RAD51B: variants seen among roughly 807,000 people sequenced by gnomAD.
RAD51B encodes the protein RAD51 paralog B.
In RAD51B, 38 loss-of-function variants were observed where a neutral mutation model predicts 42.2. The ratio of observed to expected loss-of-function variants is 0.90; its 90% CI spans 0.70 to 1.18. The LOEUF is 1.18. RAD51B is among the 50% of genes most tolerant of loss of function. The pLI is 0.00. For missense variants in RAD51B, 373 were observed against 400.7 expected (o/e 0.93, Z 0.59); for synonymous variants, 154 against 145.2 (o/e 1.06, Z -0.43).
At chr14:68,183,908 A>G (rs2140889070) in intron 7 of RAD51B, among the ~76,000 whole-genome samples, 1 of 152,144 alleles carries the variant, frequency 6.6e-6, no homozygotes, top group South Asian at 2.1e-4. Context: ...CCTGGCTAAC[A>G]TGGTGAAACC....
chr14:68,300,043 G>A (rs2081694841), intron 8 of RAD51B, among the ~76,000 whole-genome samples: 1 of 152,102 alleles, frequency 6.6e-6, no homozygotes, highest in Non-Finnish European at 1.5e-5. Flanking sequence ...TTGATGGGGG[G>A]CATTTTCTTA....
chr14:68,184,272 C>T (rs2079111852), intron 7 of RAD51B, among the ~76,000 whole-genome samples: 1 of 151,938 alleles, frequency 6.6e-6, no homozygotes, highest in Non-Finnish European at 1.5e-5. Context: ...ATCTCACTGT[C>T]TCATCCAGGC....
At chr14:68,313,422 T>C (rs1595695649) in intron 8 of RAD51B, among the ~76,000 whole-genome samples, 2 of 152,188 alleles carry the variant, frequency 1.3e-5, no homozygotes, top group Non-Finnish European at 2.9e-5. Context: ...CTGTCTTTCA[T>C]GGGTAGCTTA....
chr14:68,615,185 G>A (rs535544781), downstream of RAD51B, among the ~76,000 whole-genome samples: 9 of 152,150 alleles, frequency 5.9e-5, no homozygotes, highest in South Asian at 2.1e-4. Context: ...CTGACTATTT[G>A]TTTTATTAAT....
At chr14:68,339,992 CT>C (rs2082538593) in intron 8 of RAD51B, among the ~76,000 whole-genome samples, 3 of 152,132 alleles carry the variant, frequency 2.0e-5, no homozygotes, top group Non-Finnish European at 4.4e-5. Flanking sequence ...GCTACTTTTT[CT>C]TTGTCTACAC....
chr14:68,094,764 A>T (rs563540305), intron 7 of RAD51B, among the ~76,000 whole-genome samples: 2 of 152,350 alleles, frequency 1.3e-5, no homozygotes, highest in East Asian at 3.9e-4. Flanking sequence ...TAGGTTAGTG[A>T]TGAGCAAAGC....
At chr14:68,383,673 T>A (rs1264705958) in intron 8 of RAD51B, among the ~76,000 whole-genome samples, 1 of 152,180 alleles carries the variant, frequency 6.6e-6, no homozygotes. Flanking sequence ...GAATTTCTAC[T>A]TGCAAGAATG....
chr14:67,947,568 T>C (rs534377223), intron 7 of RAD51B, among the ~76,000 whole-genome samples: 1 of 152,330 alleles, frequency 6.6e-6, no homozygotes, highest in South Asian at 2.1e-4. Flanking sequence ...AGAGTTGTTT[T>C]TATATTCATA....
intron 11 of RAD51B, among the ~76,000 whole-genome samples, chr14:68,673,910 C>T (rs961313327): frequency 7.6e-5 from 9 of 117,948 alleles, no homozygotes; most frequent in African/African-American, 2.7e-4. Flanking sequence ...ACATACTGTA[C>T]ACACACATAT....
intron 7 of RAD51B, among the ~76,000 whole-genome samples, chr14:67,977,308 T>G (rs959084216): frequency 7.9e-5 from 12 of 152,218 alleles, no homozygotes; most frequent in African/African-American, 2.9e-4. Context: ...TTGAGTGAAT[T>G]TTAACTGCTA....
At position 68,193,009 on chromosome 14, in the gene RAD51B, T is replaced by C. The variant is rs558564778; in HGVS notation, c.757-98875T>C. Among the ~76,000 whole-genome samples, 6 of 152,270 alleles carry C rather than the reference T, an allele frequency of 3.9e-5. No homozygotes were observed. In the South Asian group the frequency reaches 8.3e-4, roughly 21 times the overall value. On this transcript the variant is annotated intron_variant, in intron 7 of 10. Coordinates refer to ENST00000471583, the MANE Select transcript of RAD51B (RefSeq NM_133510.4). The stretch of plus-strand genomic sequence containing the variant: ...TTTTCTTTGAGACACTCAAAATGTT[T>C]CCAAACTTTAAATTCATACTTTTTA...
chr14:68,260,526 T>C (rs2080867029), intron 7 of RAD51B, among the ~76,000 whole-genome samples: 1 of 152,120 alleles, frequency 6.6e-6, no homozygotes, highest in Admixed American at 6.5e-5. Context: ...TGATGAAGCA[T>C]GGACAGTCAT....
intron 8 of RAD51B, among the ~76,000 whole-genome samples, chr14:68,301,774 T>C (rs1257298940): frequency 6.6e-6 from 1 of 152,008 alleles, no homozygotes; most frequent in Non-Finnish European, 1.5e-5. Flanking sequence ...TTTTTTTGTA[T>C]TTTTAGTGGA....
intron 8 of RAD51B, among the ~76,000 whole-genome samples, chr14:68,333,350 G>T (rs1451921153): frequency 6.6e-6 from 1 of 152,200 alleles, no homozygotes; most frequent in East Asian, 1.9e-4. Context: ...ACAAAAATGA[G>T]ATCCCACTCT....
chr14:68,136,380 C>T (rs61987543), intron 7 of RAD51B, among the ~76,000 whole-genome samples: 1 of 113,186 alleles, frequency 8.8e-6, no homozygotes, highest in African/African-American at 2.9e-5. Context: ...GAGATCGAGA[C>T]CATCCTGTCC....
At chr14:67,927,513 G>A (rs757555906) in intron 7 of RAD51B, among the ~76,000 whole-genome samples, 1 of 151,966 alleles carries the variant, frequency 6.6e-6, no homozygotes, top group Non-Finnish European at 1.5e-5. Context: ...CGAGTCTCTG[G>A]TTATCTGTTG....
chr14:68,612,820 A>AGGAAGGAAGGGAG (rs1167972968), downstream of RAD51B, among the ~76,000 whole-genome samples: 5 of 148,868 alleles, frequency 3.4e-5, no homozygotes, highest in African/African-American at 1.2e-4. Context: ...AAAGGAAAGA[A>AGGAAGGAAGGGAG]GGAAGGAAGG....
intron 10 of RAD51B, among the ~76,000 whole-genome samples, chr14:68,570,067 A>G (rs1468819233): frequency 6.6e-6 from 1 of 152,192 alleles, no homozygotes; most frequent in Admixed American, 6.5e-5. Flanking sequence ...GCTGACGGAC[A>G]TTGTTTTCTT....
downstream of RAD51B, among the ~76,000 whole-genome samples, chr14:68,600,294 G>C (rs1891164569): frequency 6.6e-6 from 1 of 152,188 alleles, no homozygotes; most frequent in Non-Finnish European, 1.5e-5. Flanking sequence ...CTGGCCTCAG[G>C]GGACTGGGCC....
Sources: gnomAD v4.1 joint callset for allele counts (sites outside exome capture counted in the v4.1 genomes callset) on GRCh38, gnomAD v4.1.1 for gene constraint, MANE v1.5 for transcripts, NCBI Gene and HGNC (gene_info 2026-07-23, HGNC 2026-07-21) for gene names.